PDSS2: variants seen among roughly 807,000 people sequenced by gnomAD.
The protein encoded by PDSS2 is decaprenyl diphosphate synthase subunit 2, also known as all trans-polyprenyl-diphosphate synthase PDSS2.
PDSS2 carries 31 observed loss-of-function variants against 44.5 expected under a neutral mutation model. The ratio of observed to expected loss-of-function variants is 0.70; its 90% confidence interval spans 0.52 to 0.94. The LOEUF (loss-of-function observed/expected upper bound fraction) is 0.94. Among genes scored for constraint, PDSS2 ranks in the 40% least tolerant of loss-of-function variants. PDSS2 has a pLI of 0.00. For missense variants in PDSS2, 452 were observed against 482.2 expected (o/e 0.94, Z 0.59); for synonymous variants, 157 against 180.3 (o/e 0.87, Z 1.03).
chr6:107,215,895 G>C lies in PDSS2; in HGVS notation c.703-3613C>G, dbSNP rs2114654705. Among the ~76,000 whole-genome samples the C allele has an allele frequency of 2.0e-5, 3 of 152,258 alleles. No homozygotes were observed. The South Asian group carries it at 6.2e-4, about 32-fold the overall frequency. ...CTCATGCCTGTAATCCCAGCACTTT[G>C]GGAGGCAGAGGTGGGCAGATTACTT... On this transcript the variant is annotated intron_variant, in intron 4 of 7. Transcript: ENST00000369037.
intron 1 of PDSS2, among the ~76,000 whole-genome samples, chr6:107,396,690 T>C (rs1195650988): frequency 6.9e-6 from 1 of 144,280 alleles, no homozygotes; most frequent in African/African-American, 2.6e-5. Flanking sequence ...TTTTTTTTTT[T>C]TTTTTTTTTT....
intron 2 of PDSS2, among the ~76,000 whole-genome samples, chr6:107,331,284 G>A (rs1018340576): frequency 1.3e-5 from 2 of 151,942 alleles, no homozygotes; most frequent in African/African-American, 4.8e-5. Flanking sequence ...ACATTAACAA[G>A]TGTGTAAAAC....
chr6:107,351,314 T>A (rs1007577058), intron 1 of PDSS2, among the ~76,000 whole-genome samples: 4 of 152,366 alleles, frequency 2.6e-5, no homozygotes, highest in Admixed American at 2.0e-4. Context: ...TACAGCTGTA[T>A]TGTTTGTATC....
chr6:107,444,405 A>G (rs1781604118), intron 1 of PDSS2, among the ~76,000 whole-genome samples: 1 of 152,152 alleles, frequency 6.6e-6, no homozygotes. Context: ...ATTGCCTAAG[A>G]GCTCATAGCT....
chr6:107,332,941 G>C (rs929940115), intron 2 of PDSS2, among the ~76,000 whole-genome samples: 1 of 152,168 alleles, frequency 6.6e-6, no homozygotes, highest in African/African-American at 2.4e-5. Context: ...ATATTGGCTG[G>C]AGGAATGGGC....
intron 2 of PDSS2, among the ~76,000 whole-genome samples, chr6:107,311,963 G>A (rs1777059262): frequency 6.6e-6 from 1 of 152,136 alleles, no homozygotes; most frequent in South Asian, 2.1e-4. Context: ...AGTGTGCTAA[G>A]GGAGCCCAGA....
chr6:107,208,647 T>C (rs1368397974), intron 6 of PDSS2, among the ~76,000 whole-genome samples: 4 of 149,930 alleles, frequency 2.7e-5, no homozygotes, highest in Non-Finnish European at 5.9e-5. Context: ...TTAGCTCTTG[T>C]CGCTCAGGCT....
intron 4 of PDSS2, among the ~76,000 whole-genome samples, chr6:107,242,780 C>T (rs1483236545): frequency 3.9e-5 from 6 of 152,160 alleles, no homozygotes; most frequent in East Asian, 3.9e-4. Flanking sequence ...GATCCTCCTA[C>T]CTCGGCCTCC....
At chr6:107,387,713 C>G (rs1231536217) in intron 1 of PDSS2, among the ~76,000 whole-genome samples, 1 of 152,180 alleles carries the variant, frequency 6.6e-6, no homozygotes, top group Non-Finnish European at 1.5e-5. Context: ...GTTGGCTTTC[C>G]AGCCCTACTG....
At chr6:107,247,756 G>C (rs893883398) in intron 3 of PDSS2, among the ~76,000 whole-genome samples, 1 of 146,850 alleles carries the variant, frequency 6.8e-6, no homozygotes, top group Admixed American at 6.9e-5. Context: ...AATACCAGCA[G>C]TTTGGGAGGC....
chr6:107,394,425 C>T (rs1779878218), intron 1 of PDSS2, among the ~76,000 whole-genome samples: 1 of 152,112 alleles, frequency 6.6e-6, no homozygotes, highest in African/African-American at 2.4e-5. Context: ...CATCACATGG[C>T]AAAAGCAGGA....
chr6:107,238,729 C>A lies in PDSS2; in HGVS notation c.702+6819G>T, dbSNP rs117337434. Among the ~76,000 whole-genome samples, 1,119 of 152,268 alleles carry A rather than the reference C, an allele frequency of 7.3e-3. 3 individuals are homozygous for A. Among genetic ancestry groups the A allele is most frequent in the Non-Finnish European group, 0.012 (788 of 68,020 alleles). ...TTGTCTGTAAACAGTTTAGGCACTG[C>A]GAGCCATTCTTATCATTTGGAGGAT... On this transcript the variant is annotated intron_variant, in intron 4 of 7. Transcript: ENST00000369037.
At chr6:107,378,792 A>G (rs561879416) in intron 1 of PDSS2, among the ~76,000 whole-genome samples, 1 of 152,352 alleles carries the variant, frequency 6.6e-6, no homozygotes, top group Admixed American at 6.5e-5. Flanking sequence ...AACAATAAAA[A>G]AATGTGTTGT....
At chr6:107,211,293 A>G (rs1414675821) in intron 5 of PDSS2, among the ~76,000 whole-genome samples, 1 of 151,774 alleles carries the variant, frequency 6.6e-6, no homozygotes, top group Non-Finnish European at 1.5e-5. Context: ...ATATATATAG[A>G]GAGAGGCAAC....
rs558424759 is a variant in PDSS2 at position 107,263,581 on chromosome 6, C to A, written c.630+10448G>T. On this transcript the variant is annotated intron_variant, in intron 3 of 7. Transcript: ENST00000369037. ...GTCAATTTCACCTGATGGCATTTAA[C>A]CTTCCTGTGCCAAAAAGCTACTACA... 2.0e-5 allele frequency among the ~76,000 whole-genome samples: 3 copies of A among 152,290 alleles called. No individual in the cohort carries two copies. In the South Asian group the frequency reaches 6.2e-4, roughly 32 times the overall value.
rs113764179 is a variant in PDSS2 at position 107,384,400 on chromosome 6, G to C, written c.297-50068C>G. 9.1e-3 allele frequency among the ~76,000 whole-genome samples: 1,384 copies of C among 152,152 alleles called. 18 individuals carry two copies. The highest frequency in any genetic ancestry group is 0.029 in the African/African-American group (1,190 of 41,508). On this transcript the variant is annotated intron_variant, in intron 1 of 7. Transcript: ENST00000369037. ...TCACGCCTGTAATCCCAGCACTTTGGGAGGCCAAGGTGGTTGGATCACCTG... is the reference window on the plus strand; with the variant it reads ...TCACGCCTGTAATCCCAGCACTTTGCGAGGCCAAGGTGGTTGGATCACCTG...
chr6:107,199,517 C>G (rs1040221856), intron 6 of PDSS2, among the ~76,000 whole-genome samples: 2 of 152,176 alleles, frequency 1.3e-5, no homozygotes, highest in Non-Finnish European at 2.9e-5. Context: ...TCAGGCTGGT[C>G]TCGAACTCCT....
intron 1 of PDSS2, among the ~76,000 whole-genome samples, chr6:107,373,260 C>G (rs964195767): frequency 6.6e-6 from 1 of 152,154 alleles, no homozygotes; most frequent in South Asian, 2.1e-4. Flanking sequence ...GCTGAGATTA[C>G]AAGCGTGAGC....
chr6:107,189,861 C>A (rs1233252398), intron 7 of PDSS2, among the ~76,000 whole-genome samples: 1 of 151,926 alleles, frequency 6.6e-6, no homozygotes, highest in African/African-American at 2.4e-5. Context: ...AAAAGCATCA[C>A]CAGTCTGGGT....
Sources: gnomAD v4.1 joint callset for allele counts (sites outside exome capture counted in the v4.1 genomes callset) on GRCh38, gnomAD v4.1.1 for gene constraint, MANE v1.5 for transcripts, NCBI Gene and HGNC (gene_info 2026-07-23, HGNC 2026-07-21) for gene names.